SLC27A5: variants seen among roughly 807,000 people sequenced by gnomAD.
The protein encoded by SLC27A5 is solute carrier family 27 member 5, also known as long-chain fatty acid transport protein 5.
A neutral mutation model predicts 63.1 loss-of-function variants in SLC27A5; 47 were observed. The ratio of observed to expected loss-of-function variants is 0.74; its 90% confidence interval spans 0.59 to 0.95. The LOEUF (loss-of-function observed/expected upper bound fraction) is 0.95. SLC27A5 is among the 40% of genes least tolerant of loss of function. SLC27A5 has a pLI of 0.00. For missense variants in SLC27A5, 940 were observed against 921.0 expected (o/e 1.02, Z -0.27); for synonymous variants, 391 against 403.8 (o/e 0.97, Z 0.38).
intron 2 of SLC27A5, 82 bp downstream of exon 2, chr19:58,510,639 A>G: frequency 8.1e-7 from 1 of 1,240,396 alleles, no homozygotes; most frequent in Non-Finnish European, 1.1e-6. Context: ...TTCAGAGGTC[A>G]ACACTGAGTC....
chr19:58,499,837 A>G lies in SLC27A5; in HGVS notation c.1469-147T>C, dbSNP rs76693695. Reference sequence around the variant, plus strand: ...AGACAGGGAGATCCAGAGATGAGAGAGACATTCAGAGACCTTGAGAGACTG... The same window carrying G: ...AGACAGGGAGATCCAGAGATGAGAGGGACATTCAGAGACCTTGAGAGACTG... On this transcript the variant is annotated intron_variant, in intron 6 of 9. Coordinates refer to ENST00000263093, the MANE Select transcript of SLC27A5 (RefSeq NM_012254.3). The G allele has an allele frequency of 4.9e-3, 3,446 of 705,584 alleles. 84 individuals carry two copies. The African/African-American group carries it at 0.054, about 11-fold the overall frequency. 43.7% of individuals were successfully genotyped at this position (705,584 alleles called of 1,614,324 possible). A position where few individuals can be genotyped will look rare whatever the true frequency, so the allele number is the denominator to read the frequency against.
rs770927809 is a variant in SLC27A5, at chr19:58,499,675, A to G, written c.1484T>C (p.Leu495Pro). The change falls in exon 7 of 10, where the codon CTG becomes CCG. Residue 495 changes from leucine to proline, a missense_variant. Physicochemically the swap from Leu to Pro is moderately conservative, Grantham distance 98. Coordinates refer to ENST00000263093, the MANE Select transcript of SLC27A5 (RefSeq NM_012254.3). ...TTGCTGGCTTACCACCTTGGTCAGCAGCAGCCCCGGCTCCCCTGGGGTAGG... is the reference window on the plus strand; with the variant it reads ...TTGCTGGCTTACCACCTTGGTCAGCGGCAGCCCCGGCTCCCCTGGGGTAGG... ...IPVGLGEPGL[L>P]LTKVVSQQPF... 1 of 1,611,854 alleles carries G rather than the reference A, an allele frequency of 6.2e-7. No individual in the cohort carries two copies. The highest frequency in any genetic ancestry group is 2.2e-5 in the East Asian group (1 of 44,866).
chr19:58,502,926 G>A (rs1555793967), intron 3 of SLC27A5, among the ~76,000 whole-genome samples: 2 of 152,150 alleles, frequency 1.3e-5, no homozygotes, highest in Non-Finnish European at 2.9e-5. Flanking sequence ...TGGATAGGTG[G>A]CTGGGTGAGG....
At chr19:58,504,832 T>C (rs961880413) in intron 3 of SLC27A5, among the ~76,000 whole-genome samples, 7 of 150,834 alleles carry the variant, frequency 4.6e-5, no homozygotes, top group African/African-American at 4.9e-5. Flanking sequence ...CGTGAAACCC[T>C]GTCTCTACTA....
chr19:58,498,647 C>T lies in SLC27A5; in HGVS notation c.1941G>A (p.Arg647=), dbSNP rs1486521947. 2 of 1,614,034 alleles carry T rather than the reference C, an allele frequency of 1.2e-6. No individual in the cohort carries two copies. Among genetic ancestry groups the T allele is most frequent in the Non-Finnish European group, 1.7e-6 (2 of 1,180,022 alleles). ...VTSTFKLMKT[R]LVREGFNVGI... is the part of the protein sequence containing the mutation. Reference sequence around the variant, plus strand: ...CCACATTGAAGCCCTCACGCACCAACCGGGTCTTCATCAGTTTGAACGTGC... The same window carrying T: ...CCACATTGAAGCCCTCACGCACCAATCGGGTCTTCATCAGTTTGAACGTGC... The change falls in exon 10 of 10, where the codon CGG becomes CGA. Residue 647 remains arginine (R), a synonymous_variant. Coordinates refer to ENST00000263093, the MANE Select transcript of SLC27A5 (RefSeq NM_012254.3).
chr19:58,511,844 C>A lies in SLC27A5; in HGVS notation c.112G>T (p.Gly38Trp). 1 of 1,558,950 alleles carries A rather than the reference C, an allele frequency of 6.4e-7. No individual in the cohort carries two copies. Among genetic ancestry groups the A allele is most frequent in the Non-Finnish European group, 8.7e-7 (1 of 1,151,820 alleles). The part of the protein sequence containing the change: ...AVALTLRWLL[G>W]DPTCCVLLGL... Reference sequence around the variant, plus strand: ...AGTAGCACGCAACATGTGGGATCCCCCAGGAGCCAGCGCAGGGTCAAGGCC... The same window carrying A: ...AGTAGCACGCAACATGTGGGATCCCACAGGAGCCAGCGCAGGGTCAAGGCC... Residue 38 changes from glycine (G) to tryptophan (W), a missense_variant, in exon 1 of 10, where the codon GGG (glycine) becomes TGG (tryptophan). Transcript: ENST00000263093.
intron 3 of SLC27A5, among the ~76,000 whole-genome samples, chr19:58,501,836 G>A (rs1266541141): frequency 4.6e-5 from 7 of 152,058 alleles, no homozygotes; most frequent in Non-Finnish European, 5.9e-5. Context: ...ACCACAGCTG[G>A]CTAATTTTTG....
In SLC27A5 at chr19:58,499,197, G is replaced by A. The variant is rs764231766; in HGVS notation, c.1691C>T (p.Thr564Met). ...CGACAACACGCCCTCCACCTCGTGC[G>A]TGGACACGTTCTCGCCCTTCCATCT... ...TFRWKGENVS[T>M]HEVEGVLSQV... The change falls in exon 8 of 10, where the codon ACG (threonine) becomes ATG (methionine). Residue 564 changes from threonine (T) to methionine (M), a missense_variant. Thr to Met is a moderately conservative substitution (Grantham distance 81, BLOSUM62 -1). Coordinates refer to ENST00000263093, the MANE Select transcript of SLC27A5 (RefSeq NM_012254.3). 1.7e-5 allele frequency: 27 copies of A among 1,613,866 alleles called. No homozygotes were observed. In the East Asian group the frequency reaches 5.6e-4, roughly 33 times the overall value.
Position 58,511,723 on chromosome 19 carries a change from G to A in SLC27A5, c.233C>T (p.Ala78Val). ...CCAGCGTAGTCCTGGGGGCAGCCGT[G>A]CTGGCAGGAGGGTTAGTGCCAGGGC... ...AAALALTLLP[A>V]RLPPGLRWLP... The change falls in exon 1 of 10, where the codon GCA becomes GTA. Residue 78 changes from alanine to valine, a missense_variant. Ala to Val is a moderately conservative substitution (Grantham distance 64). Coordinates refer to ENST00000263093, the MANE Select transcript of SLC27A5 (RefSeq NM_012254.3). 6.4e-7 allele frequency: 1 copy of A among 1,556,520 alleles called. No homozygotes were observed. The highest frequency in any genetic ancestry group is 8.7e-7 in the Non-Finnish European group (1 of 1,149,742).
At chr19:58,510,391 T>C in intron 2 of SLC27A5, 1 of 326,782 alleles carries the variant, frequency 3.1e-6, no homozygotes, top group Non-Finnish European at 5.6e-6. Flanking sequence ...CTGGCTAACT[T>C]GGGGAAACCC....
In SLC27A5 at chr19:58,498,824, C is replaced by T; in HGVS notation, c.1857G>A (p.Trp619Ter). Residue 619 changes from tryptophan to a stop codon, truncating the protein, a stop_gained, in exon 9 of 10, where the codon TGG becomes TGA. Coordinates refer to ENST00000263093, the MANE Select transcript of SLC27A5 (RefSeq NM_012254.3). LOFTEE classifies it low-confidence loss of function (END_TRUNC). Reference sequence around the variant, plus strand: ...AATGGGGGGTAGCGTAGGCAGGGAGCCAAGCGCGAACGTGCTGGTACAACT... The same window carrying T: ...AATGGGGGGTAGCGTAGGCAGGGAGTCAAGCGCGAACGTGCTGGTACAACT... The part of the protein sequence containing the change: ...GEKLYQHVRA[W>*]LPAYATPHFI... The T allele has an allele frequency of 6.2e-7, 1 of 1,613,986 alleles. No homozygotes were observed. Among genetic ancestry groups the T allele is most frequent in the Non-Finnish European group, 8.5e-7 (1 of 1,180,004 alleles).
chr19:58,500,302 C>T (rs1248208576), intron 6 of SLC27A5, 37 bp downstream of exon 6: 1 of 1,564,160 alleles, frequency 6.4e-7, no homozygotes, highest in South Asian at 1.1e-5. Flanking sequence ...AGGGTCGCCA[C>T]CCCTGCCACC....
In SLC27A5 at chr19:58,499,189, C is replaced by T. The variant is rs1173960800; in HGVS notation, c.1699G>A (p.Val567Met). 9.3e-6 allele frequency: 15 copies of T among 1,613,856 alleles called. No homozygotes were observed. The highest frequency in any genetic ancestry group is 2.2e-5 in the East Asian group (1 of 44,904). The change falls in exon 8 of 10, where the codon GTG becomes ATG. Residue 567 changes from valine to methionine, a missense_variant. Transcript: ENST00000263093. ...WKGENVSTHE[V>M]EGVLSQVDFL... ...TCCACCTGCGACAACACGCCCTCCA[C>T]CTCGTGCGTGGACACGTTCTCGCCC...
intron 4 of SLC27A5, 44 bp from the exon 5 acceptor site, chr19:58,500,750 G>A (rs777101746): frequency 5.6e-6 from 9 of 1,595,342 alleles, no homozygotes; most frequent in African/African-American, 1.3e-5. Context: ...GTGCTCTTGG[G>A]GCATGCCTTG....
At chr19:58,508,700 G>A (rs1256655979) in intron 3 of SLC27A5, 1 of 151,980 alleles carries the variant, frequency 6.6e-6, no homozygotes, top group Non-Finnish European at 1.5e-5. Context: ...GGACTCAAGT[G>A]ATCCTCCTGC....
At chr19:58,501,886 A>G (rs1320568533) in intron 3 of SLC27A5, among the ~76,000 whole-genome samples, 1 of 152,220 alleles carries the variant, frequency 6.6e-6, no homozygotes, top group Non-Finnish European at 1.5e-5. Flanking sequence ...CATGTTGGCC[A>G]GGCTGGTCTT....
rs1003407858 is a variant in SLC27A5, at chr19:58,509,889, C to T, written c.1015G>A (p.Val339Met). ...AGGATCCCAACGACAAGTCCCATCA[C>T]GTGGTACAGAGGCAGGACCGTGTAA... ...VVYTVLPLYH[V>M]MGLVVGILGC... The change falls in exon 3 of 10, where the codon GTG (valine) becomes ATG (methionine). Residue 339 changes from valine (V) to methionine (M), a missense_variant. Coordinates refer to ENST00000263093, the MANE Select transcript of SLC27A5 (RefSeq NM_012254.3). 31 of 1,613,636 alleles carry T rather than the reference C, an allele frequency of 1.9e-5. No individual in the cohort carries two copies. The highest frequency in any genetic ancestry group is 5.0e-5 in the Admixed American group (3 of 59,974).
chr19:58,510,030 C>T (rs2053392027), intron 2 of SLC27A5, 25 bp from the exon 3 acceptor site: 1 of 1,606,952 alleles, frequency 6.2e-7, no homozygotes. Flanking sequence ...ATGGCAAGGG[C>T]AGGGTGGTGA....
rs2053269212 is a variant in SLC27A5 at position 58,501,157 on chromosome 19, A to T, written c.1182+129T>A. On this transcript the variant is annotated intron_variant, in intron 4 of 9. Coordinates refer to ENST00000263093, the MANE Select transcript of SLC27A5 (RefSeq NM_012254.3). ...TTGGAAGCCTTGTCTGAAACTCATT[A>T]TCTGGGGTTCTTGCATGAGGTGTAT... 2.3e-6 allele frequency: 3 copies of T among 1,321,848 alleles called. No individual in the cohort carries two copies. In the South Asian group the frequency reaches 4.5e-5, roughly 20 times the overall value. The allele number at this position is 1,321,848 out of a possible 1,614,324, so 81.9% of individuals were successfully genotyped here. A position where few individuals can be genotyped will look rare whatever the true frequency, so the allele number is the denominator to read the frequency against.
Sources: gnomAD v4.1 joint callset for allele counts (sites outside exome capture counted in the v4.1 genomes callset) on GRCh38, gnomAD v4.1.1 for gene constraint, MANE v1.5 for transcripts, NCBI Gene and HGNC (gene_info 2026-07-23, HGNC 2026-07-21) for gene names.